Variants in ADARB1 observed in about 807,000 individuals in gnomAD.
ADARB1 encodes adenosine deaminase RNA specific B1.
In ADARB1, 10 loss-of-function variants were observed where a neutral mutation model predicts 52.4. That is an observed-to-expected ratio of 0.19 (90% CI 0.12 to 0.32). The LOEUF (loss-of-function observed/expected upper bound fraction) is 0.32. ADARB1 is among the 10% of genes least tolerant of loss of function. The pLI is 1.00. For missense variants in ADARB1, 643 were observed against 922.3 expected (o/e 0.70, Z 3.92); for synonymous variants, 349 against 371.1 (o/e 0.94, Z 0.68).
chr21:45,096,218 C>T (rs889788951), intron 1 of ADARB1, among the ~76,000 whole-genome samples: 2 of 152,248 alleles, frequency 1.3e-5, no homozygotes, highest in South Asian at 2.1e-4. Context: ...AGAGGAGGAC[C>T]GGCTGGGCTA....
chr21:45,218,186 C>T (rs1169008832), intron 9 of ADARB1, among the ~76,000 whole-genome samples: 3 of 152,192 alleles, frequency 2.0e-5, no homozygotes, highest in Non-Finnish European at 4.4e-5. Context: ...TCTAATTACA[C>T]ATATTTCACC....
chr21:45,104,562 C>T (rs1446422017), intron 1 of ADARB1, among the ~76,000 whole-genome samples: 1 of 152,186 alleles, frequency 6.6e-6, no homozygotes, highest in Non-Finnish European at 1.5e-5. Context: ...ACAGAATCTT[C>T]AAAGGTTGAG....
rs1486582098 is a variant in ADARB1 at position 45,220,948 on chromosome 21, G to C, written c.1860G>C (p.Glu620Asp). The change falls in exon 10 of 11, where the codon GAG becomes GAC. Residue 620 changes from glutamate (E) to aspartate (D), a missense_variant. Glu to Asp is a conservative substitution (Grantham distance 45). Coordinates refer to ENST00000348831, the MANE Select transcript of ADARB1 (RefSeq NM_001112.4). The surrounding 1 kb of genome is among the most constrained non-coding windows in gnomAD (Gnocchi z 6.3). ...TCAACGCCACGACTGGGAAGGATGA[G>C]CTGGGCCGCGCGTCCCGCCTGTGTA... ...EVINATTGKD[E>D]LGRASRLCKH... The C allele has an allele frequency of 6.2e-7, 1 of 1,613,360 alleles. No individual in the cohort carries two copies. The highest frequency in any genetic ancestry group is 8.5e-7 in the Non-Finnish European group (1 of 1,180,038).
At chr21:45,093,443 G>A (rs929700351) in intron 1 of ADARB1, among the ~76,000 whole-genome samples, 1 of 152,240 alleles carries the variant, frequency 6.6e-6, no homozygotes, top group South Asian at 2.1e-4. Flanking sequence ...AAGAGGAAGA[G>A]AGGACCCGGC....
Position 45,222,609 on chromosome 21 carries a change from A to G in ADARB1, c.*412A>G. Reference sequence around the variant, plus strand: ...CTAGGAATGTGGTTTATAAAATAGGAAGTAATTGTGTCAGGTCACTTTTAT... The same window carrying G: ...CTAGGAATGTGGTTTATAAAATAGGGAGTAATTGTGTCAGGTCACTTTTAT... On this transcript the variant is annotated 3_prime_UTR_variant, in exon 11 of 11. Coordinates refer to ENST00000348831, the MANE Select transcript of ADARB1 (RefSeq NM_001112.4). The G allele has an allele frequency of 2.0e-6, 2 of 1,001,384 alleles. No individual in the cohort carries two copies. Among genetic ancestry groups the G allele is most frequent in the Non-Finnish European group, 2.4e-6 (2 of 840,938 alleles). The allele number at this position is 1,001,384 out of a possible 1,614,324, so 62.0% of individuals were successfully genotyped here. A position where few individuals can be genotyped will look rare whatever the true frequency, so the allele number is the denominator to read the frequency against.
chr21:45,213,837 A>G (rs2092814319), intron 9 of ADARB1, among the ~76,000 whole-genome samples: 2 of 152,338 alleles, frequency 1.3e-5, no homozygotes, highest in South Asian at 4.2e-4. Flanking sequence ...TTTTAATATT[A>G]TAAAGCTGCT....
intron 2 of ADARB1, among the ~76,000 whole-genome samples, chr21:45,162,179 C>T (rs915424402): frequency 1.3e-5 from 2 of 152,222 alleles, no homozygotes; most frequent in South Asian, 2.1e-4. Context: ...TGAGCCAGGG[C>T]AGTGACGCCC....
chr21:45,224,985 T>C lies in ADARB1; in HGVS notation c.*2788T>C. The C allele has an allele frequency of 1.0e-6, 1 of 985,354 alleles. No individual in the cohort carries two copies. The highest frequency in any genetic ancestry group is 4.7e-5 in the South Asian group (1 of 21,258). 61.0% of individuals were successfully genotyped at this position (985,354 alleles called of 1,614,324 possible). On this transcript the variant is annotated 3_prime_UTR_variant, in exon 11 of 11. Transcript: ENST00000348831. Reference sequence around the variant, plus strand: ...TGGCTTTTAGAGACTTAGCAGAAAATTCGACACAAGCAGGAACTTGATTTT... The same window carrying C: ...TGGCTTTTAGAGACTTAGCAGAAAACTCGACACAAGCAGGAACTTGATTTT...
At position 45,225,579 on chromosome 21, in the gene ADARB1, A is replaced by G. The variant is rs968552299; in HGVS notation, c.*3382A>G. 1.9e-5 allele frequency: 26 copies of G among 1,334,548 alleles called. No homozygotes were observed. Among genetic ancestry groups the G allele is most frequent in the Non-Finnish European group, 2.5e-5 (26 of 1,030,612 alleles). 82.7% of individuals were successfully genotyped at this position (1,334,548 alleles called of 1,614,324 possible). A position where few individuals can be genotyped will look rare whatever the true frequency, so the allele number is the denominator to read the frequency against. ...GAGGAGGGGACGGCTCCGTCTTCAC[A>G]TTGTGCACAGATCTGAGGATGGGAT... On this transcript the variant is annotated 3_prime_UTR_variant, in exon 11 of 11. Coordinates refer to ENST00000348831, the MANE Select transcript of ADARB1 (RefSeq NM_001112.4).
intron 8 of ADARB1, among the ~76,000 whole-genome samples, chr21:45,185,735 A>G (rs561326627): frequency 1.7e-4 from 26 of 152,328 alleles, no homozygotes; most frequent in African/African-American, 6.0e-4. Context: ...TTTCATTTTT[A>G]AACTAATGTT....
intron 2 of ADARB1, among the ~76,000 whole-genome samples, chr21:45,134,466 G>A (rs1302798823): frequency 1.3e-5 from 2 of 152,170 alleles, no homozygotes; most frequent in African/African-American, 4.8e-5. Context: ...TGACATGGGT[G>A]TGTGAGCGCC....
intron 1 of ADARB1, among the ~76,000 whole-genome samples, chr21:45,086,491 C>G (rs952591739): frequency 6.6e-6 from 1 of 152,170 alleles, no homozygotes; most frequent in Non-Finnish European, 1.5e-5. Context: ...GCAGTTGATT[C>G]GCGCACCCAG....
chr21:45,077,604 T>A (rs1008609146), intron 1 of ADARB1, among the ~76,000 whole-genome samples: 1 of 151,666 alleles, frequency 6.6e-6, no homozygotes, highest in Non-Finnish European at 1.5e-5. Flanking sequence ...GAGGCGGAGC[T>A]TGCAATGAGC....
At chr21:45,202,681 C>T (rs913610512) in intron 8 of ADARB1, among the ~76,000 whole-genome samples, 6 of 152,214 alleles carry the variant, frequency 3.9e-5, no homozygotes, top group African/African-American at 1.2e-4. Context: ...ACTGCCCAGT[C>T]GACCTTCATT....
At chr21:45,143,711 G>A (rs901136644) in intron 2 of ADARB1, among the ~76,000 whole-genome samples, 8 of 152,186 alleles carry the variant, frequency 5.3e-5, no homozygotes, top group Non-Finnish European at 7.3e-5. Flanking sequence ...GCGGTTTCAG[G>A]TGCTGCGGCT....
chr21:45,182,873 TTTAA>T, intron 6 of ADARB1, 120 bp downstream of exon 6: 1 of 999,918 alleles, frequency 1.0e-6, no homozygotes, highest in Non-Finnish European at 1.4e-6. Context: ...AAATCATAAC[TTTAA>T]TTAGTAACAA....
In ADARB1 at chr21:45,106,502, C is replaced by T. The variant is rs965440908; in HGVS notation, c.-219-21900C>T. Among the ~76,000 whole-genome samples, 79 of 152,182 alleles carry T rather than the reference C, an allele frequency of 5.2e-4. 1 individual carries two copies. Among genetic ancestry groups the T allele is most frequent in the African/African-American group, 3.6e-4 (15 of 41,446 alleles). ...CCGTGAGTCTGTGCTTGGAAACCCA[C>T]GAGAACTCTGGGGAGCCACAGGCCT... On this transcript the variant is annotated intron_variant, in intron 1 of 10. Transcript: ENST00000348831.
chr21:45,125,644 C>T (rs2088529999), intron 1 of ADARB1, among the ~76,000 whole-genome samples: 1 of 152,284 alleles, frequency 6.6e-6, no homozygotes, highest in Admixed American at 6.5e-5. Context: ...ACAGGAGAGT[C>T]ACATTGTGGC....
intron 2 of ADARB1, among the ~76,000 whole-genome samples, chr21:45,139,568 C>G (rs2089595165): frequency 6.6e-6 from 1 of 152,176 alleles, no homozygotes; most frequent in African/African-American, 2.4e-5. Context: ...GCAAGTGTCT[C>G]AACTCCCATG....
Sources: gnomAD v4.1 joint callset for allele counts (sites outside exome capture counted in the v4.1 genomes callset) on GRCh38, gnomAD v4.1.1 for gene constraint, Gnocchi (gnomAD v3.1) non-coding constraint, MANE v1.5 for transcripts, NCBI Gene and HGNC (gene_info 2026-07-23, HGNC 2026-07-21) for gene names.